Variants in DMD observed in about 807,000 individuals in gnomAD.
DMD encodes the protein dystrophin.
DMD carries 63 observed loss-of-function variants against 330.1 expected under a neutral mutation model. The observed-to-expected ratio is 0.19, with a 90% CI of 0.16 to 0.24. DMD has a LOEUF of 0.24. DMD is among the 10% of genes least tolerant of loss of function. DMD has a pLI of 1.00. For synonymous variants in DMD, 1,223 were observed against 959.8 expected, an observed-to-expected ratio of 1.27 and a Z score of -5.07; for missense variants, 3,344 against 2,684.1, an observed-to-expected ratio of 1.25 and a Z score of -5.43.
chrX:31,471,316 G>A (rs913110829), intron 59 of DMD, among the ~76,000 whole-genome samples: 12 of 112,114 alleles, frequency 1.1e-4, no homozygotes, highest in African/African-American at 1.9e-4. Context: ...TGCATGTTGC[G>A]GAGGCTGTGG....
chrX:32,374,312 T>A (rs2097892534), intron 34 of DMD, among the ~76,000 whole-genome samples: 1 of 111,789 alleles, frequency 8.9e-6, no homozygotes, highest in Non-Finnish European at 1.9e-5. Flanking sequence ...TTTAATTAAC[T>A]CTCATTTGTC....
chrX:33,294,549 T>C (rs2053558251), intron 1 of DMD, among the ~76,000 whole-genome samples: 1 of 110,872 alleles, frequency 9.0e-6, no homozygotes, highest in Admixed American at 9.7e-5. Context: ...CAGGTAAAAA[T>C]TAGGATTTAG....
chrX:32,510,653 C>T (rs758676598), intron 18 of DMD, among the ~76,000 whole-genome samples: 14 of 111,697 alleles, frequency 1.3e-4, no homozygotes, highest in African/African-American at 2.0e-4. Context: ...GGTCTCTCCC[C>T]TTACCCACAA....
intron 12 of DMD, among the ~76,000 whole-genome samples, chrX:32,613,694 G>A (rs768619844): frequency 3.6e-5 from 4 of 109,850 alleles, no homozygotes; most frequent in African/African-American, 1.3e-4. Flanking sequence ...TGTCTTCCAG[G>A]AAAGCAAATT....
At chrX:31,208,852 A>G (rs1345749854) in intron 65 of DMD, among the ~76,000 whole-genome samples, 1 of 102,037 alleles carries the variant, frequency 9.8e-6, no homozygotes, top group Non-Finnish European at 2.1e-5. Flanking sequence ...TAAGCTCAAG[A>G]AAAAAAAAAA....
At chrX:31,174,759 C>T (rs1433450805) in intron 71 of DMD, among the ~76,000 whole-genome samples, 2 of 111,663 alleles carry the variant, frequency 1.8e-5, no homozygotes, top group Admixed American at 1.9e-4. Flanking sequence ...GCTAAGCTTG[C>T]ATTAGAAAAT....
chrX:33,263,740 T>A (rs997960171), intron 1 of DMD, among the ~76,000 whole-genome samples: 8 of 109,881 alleles, frequency 7.3e-5, no homozygotes, highest in African/African-American at 2.6e-4. Context: ...ATAAAAATAG[T>A]AATACAATCA....
At chrX:31,285,567 A>C (rs1260765888) in intron 62 of DMD, among the ~76,000 whole-genome samples, 5 of 112,143 alleles carry the variant, frequency 4.5e-5, no homozygotes, top group African/African-American at 1.6e-4. Flanking sequence ...TCTTAAAATG[A>C]GGATTTTAGA....
In DMD at chrX:31,713,851, C is replaced by T. The variant is rs184440733; in HGVS notation, c.7660+15780G>A. On this transcript the variant is annotated intron_variant, in intron 52 of 78. Coordinates refer to ENST00000357033, the MANE Select transcript of DMD (RefSeq NM_004006.3). ...AACATTTGATGAATGTGTGAATATA[C>T]TTTTCAGTATTTTAAACTTATATTT... is the stretch of plus-strand genomic sequence containing the variant. Among the ~76,000 whole-genome samples the T allele has an allele frequency of 5.8e-3, 654 of 111,807 alleles. 9 individuals are homozygous for T. Among genetic ancestry groups the T allele is most frequent in the African/African-American group, 0.02 (621 of 30,838 alleles).
rs1212002938 is a variant in DMD at position 32,343,170 on chromosome X, G to A, written c.5703C>T (p.Ala1901=). The A allele has an allele frequency of 2.5e-6, 3 of 1,208,585 alleles. No homozygotes were observed. Among genetic ancestry groups the A allele is most frequent in the East Asian group, 5.9e-5 (2 of 33,698 alleles). ...TTTCATCTCTGGGCTCAGGTAGGCT[G>A]GCTAATTTTTTTTCAATGTCATCCA... ...KCLDDIEKKL[A]SLPEPRDERK... Residue 1901 remains alanine (A), a synonymous_variant, in exon 40 of 79, where the codon GCC becomes GCT. Transcript: ENST00000357033.
chrX:31,687,102 C>T (rs1603447157), intron 52 of DMD, among the ~76,000 whole-genome samples: 1 of 110,984 alleles, frequency 9.0e-6, no homozygotes, highest in Non-Finnish European at 1.9e-5. Flanking sequence ...GGGAAGGACT[C>T]AGTCCTATCA....
At chrX:32,241,913 A>G (rs746161338) in intron 43 of DMD, among the ~76,000 whole-genome samples, 54 of 111,231 alleles carry the variant, frequency 4.9e-4, no homozygotes, top group Admixed American at 1.8e-3. Flanking sequence ...CAATAGAGGG[A>G]CCACTATTTT....
At chrX:33,071,932 T>C (rs1203646709) in intron 1 of DMD, among the ~76,000 whole-genome samples, 1 of 112,359 alleles carries the variant, frequency 8.9e-6, no homozygotes, top group African/African-American at 3.2e-5. Flanking sequence ...AATTAAGTTA[T>C]ATATCTTTCA....
intron 48 of DMD, among the ~76,000 whole-genome samples, chrX:31,840,550 T>C (rs952168024): frequency 7.5e-5 from 3 of 40,205 alleles, no homozygotes; most frequent in African/African-American, 1.8e-4. Flanking sequence ...CAGATACTGC[T>C]TTTTTTTTTT....
chrX:32,787,138 C>A lies in DMD; in HGVS notation c.649+22355G>T, dbSNP rs139013923. ...TACTATGACAATTATAAGGTACTAT[C>A]ATGAACCAGCCTTCAGGAGACTTGC... On this transcript the variant is annotated intron_variant, in intron 7 of 78. Transcript: ENST00000357033. 1.1e-4 allele frequency among the ~76,000 whole-genome samples: 12 copies of A among 109,780 alleles called. No homozygotes were observed. In the East Asian group the frequency reaches 3.4e-3, roughly 31 times the overall value.
intron 55 of DMD, among the ~76,000 whole-genome samples, chrX:31,507,949 A>G (rs1655189712): frequency 8.9e-6 from 1 of 112,158 alleles, no homozygotes; most frequent in South Asian, 3.7e-4. Flanking sequence ...CCACAGCACC[A>G]GCACATTCCT....
chrX:33,174,452 A>T (rs1466882540), intron 1 of DMD, among the ~76,000 whole-genome samples: 3 of 111,924 alleles, frequency 2.7e-5, no homozygotes, highest in Non-Finnish European at 3.8e-5. Context: ...AATTTTTGTT[A>T]TTGTTGTTTT....
chrX:31,208,449 C>T (rs2044306606), intron 65 of DMD, among the ~76,000 whole-genome samples: 1 of 111,744 alleles, frequency 8.9e-6, no homozygotes, highest in African/African-American at 3.3e-5. Context: ...AAAACAGTGC[C>T]AAAATATATT....
In DMD at chrX:32,380,557, C is replaced by G. The variant is rs753565464; in HGVS notation, c.4798G>C (p.Val1600Leu). Residue 1600 changes from valine to leucine, a missense_variant, in exon 34 of 79, where the codon GTT becomes CTT. Transcript: ENST00000357033. ...TDMELTKRSA[V>L]EGMPSNLDSE... ...TCCAAATTACTAGGCATTCCTTCAACTGCTGATCTCTTTGTCAATTCCATA... is the reference window on the plus strand; with the variant it reads ...TCCAAATTACTAGGCATTCCTTCAAGTGCTGATCTCTTTGTCAATTCCATA... The G allele has an allele frequency of 1.1e-4, 129 of 1,210,781 alleles. No individual in the cohort carries two copies. The highest frequency in any genetic ancestry group is 1.3e-4 in the Non-Finnish European group (120 of 894,950).
Sources: allele counts gnomAD v4.1 joint callset (sites outside exome capture counted in the v4.1 genomes callset), GRCh38; gene constraint gnomAD v4.1.1; transcripts MANE v1.5; gene names NCBI Gene and HGNC (gene_info 2026-07-23, HGNC 2026-07-21).